The following IQGAP2 variants were observed in gnomAD, a reference collection of about 807,000 sequenced individuals.
The protein encoded by IQGAP2 is ras GTPase-activating-like protein IQGAP2.
A neutral mutation model predicts 201.3 loss-of-function variants in IQGAP2; 173 were observed. That is an observed-to-expected ratio of 0.86 (90% CI 0.76 to 0.98). The LOEUF is 0.98. IQGAP2 is among the 50% of genes least tolerant of loss of function. The probability of loss-of-function intolerance (pLI) is 0.00; values close to 1 mark genes in which losing one functional copy is unlikely to be tolerated. For missense variants in IQGAP2, 1,687 were observed against 1,864.8 expected, an observed-to-expected ratio of 0.90 and a Z score of 1.76; for synonymous variants, 675 against 673.9, an observed-to-expected ratio of 1.00 and a Z score of -0.03.
At chr5:76,503,025 C>T (rs1205003228) in intron 2 of IQGAP2, among the ~76,000 whole-genome samples, 2 of 151,976 alleles carry the variant, frequency 1.3e-5, no homozygotes, top group Non-Finnish European at 2.9e-5. Flanking sequence ...TGATTACAGG[C>T]ATGAGACACC....
At chr5:76,492,934 A>G (rs980991786) in intron 2 of IQGAP2, among the ~76,000 whole-genome samples, 1 of 152,188 alleles carries the variant, frequency 6.6e-6, no homozygotes, top group African/African-American at 2.4e-5. Flanking sequence ...ATAGGAGGTG[A>G]TAAGGATGCT....
Position 76,403,966 on chromosome 5 carries a change from G to C in IQGAP2, c.46+375G>C, listed in dbSNP as rs1035371585. Among the ~76,000 whole-genome samples the C allele has an allele frequency of 3.3e-5, 5 of 152,208 alleles. No homozygotes were observed. Among genetic ancestry groups the C allele is most frequent in the African/African-American group, 1.2e-4 (5 of 41,456 alleles). ...GGCCAGGGGGTGGCGTAAGGCACCG[G>C]ATTCTTCCAACCCAGAAGGGGAGGA... is the stretch of plus-strand genomic sequence containing the variant. On this transcript the variant is annotated intron_variant, in intron 1 of 35. Transcript: ENST00000274364. The surrounding 1 kb of genome is among the most constrained non-coding windows in gnomAD (Gnocchi z 4.8).
In IQGAP2 at chr5:76,562,476, C is replaced by T; in HGVS notation, c.227C>T (p.Ala76Val). The change falls in exon 3 of 36, where the codon GCA (alanine) becomes GTA (valine). Residue 76 changes from alanine (A) to valine (V), a missense_variant. Transcript: ENST00000274364. ...EEGLRNGVYL[A>V]KLAKFFAPKM... ...GGGCTCCGGAATGGAGTTTACCTTGCAAAGTTAGCCAAGTTCTTTGCCCCG... is the reference window on the plus strand; with the variant it reads ...GGGCTCCGGAATGGAGTTTACCTTGTAAAGTTAGCCAAGTTCTTTGCCCCG... 6.2e-7 allele frequency: 1 copy of T among 1,613,848 alleles called. No homozygotes were observed. The highest frequency in any genetic ancestry group is 1.1e-5 in the South Asian group (1 of 91,062).
At chr5:76,559,348 G>C (rs1055095286) in intron 2 of IQGAP2, among the ~76,000 whole-genome samples, 1 of 152,122 alleles carries the variant, frequency 6.6e-6, no homozygotes, top group African/African-American at 2.4e-5. Context: ...CAGAGGAGTC[G>C]GTCTCTGAGG....
At chr5:76,697,147 C>G (rs1218562357) in intron 32 of IQGAP2, among the ~76,000 whole-genome samples, 1 of 152,156 alleles carries the variant, frequency 6.6e-6, no homozygotes, top group Non-Finnish European at 1.5e-5. Context: ...ACTTAATGTT[C>G]TAGGAATTCT....
intron 14 of IQGAP2, among the ~76,000 whole-genome samples, chr5:76,628,988 T>C (rs1750476033): frequency 1.3e-5 from 2 of 152,246 alleles, no homozygotes; most frequent in African/African-American, 4.8e-5. Context: ...ATCAAACCAA[T>C]TTAGAAGGTT....
intron 28 of IQGAP2, among the ~76,000 whole-genome samples, chr5:76,678,288 C>G (rs1349470243): frequency 6.6e-6 from 1 of 152,140 alleles, no homozygotes; most frequent in Non-Finnish European, 1.5e-5. Context: ...GTTATGACAT[C>G]TACATCTGGT....
chr5:76,426,101 G>T (rs1020268067), intron 1 of IQGAP2, among the ~76,000 whole-genome samples: 1 of 152,066 alleles, frequency 6.6e-6, no homozygotes, highest in African/African-American at 2.4e-5. Context: ...GCAGAATTGC[G>T]GTCAGCTGGC....
chr5:76,468,644 T>C (rs1754924172), intron 2 of IQGAP2, among the ~76,000 whole-genome samples: 1 of 152,214 alleles, frequency 6.6e-6, no homozygotes, highest in Non-Finnish European at 1.5e-5. Context: ...GTCAGATAAA[T>C]CTTTTCAAAA....
chr5:76,659,383 C>T (rs574434622), intron 21 of IQGAP2, among the ~76,000 whole-genome samples: 2 of 152,188 alleles, frequency 1.3e-5, no homozygotes, highest in African/African-American at 4.8e-5. Context: ...GATACAGTTA[C>T]CAGAGGTGTA....
chr5:76,570,802 C>T, intron 4 of IQGAP2, 145 bp downstream of exon 4: 1 of 631,970 alleles, frequency 1.6e-6, no homozygotes, highest in South Asian at 2.0e-5. Flanking sequence ...AAAGACCTAT[C>T]CAAAGTAACA....
chr5:76,427,810 C>T (rs1752096264), intron 1 of IQGAP2, among the ~76,000 whole-genome samples: 1 of 152,212 alleles, frequency 6.6e-6, no homozygotes, highest in Non-Finnish European at 1.5e-5. Flanking sequence ...AAAGTTGGCA[C>T]ATATGTCCAG....
intron 13 of IQGAP2, among the ~76,000 whole-genome samples, chr5:76,627,080 A>G (rs1426151324): frequency 6.6e-6 from 1 of 152,024 alleles, no homozygotes; most frequent in African/African-American, 2.4e-5. Flanking sequence ...GCACTGAGCT[A>G]TCTATTTTGA....
chr5:76,583,439 A>G (rs572939628), intron 5 of IQGAP2, among the ~76,000 whole-genome samples: 97 of 152,216 alleles, frequency 6.4e-4, no homozygotes, highest in African/African-American at 2.2e-3. Context: ...CTCAACATCA[A>G]TGATTTAAAA....
chr5:76,703,165 G>GC (rs70982629), intron 35 of IQGAP2, among the ~76,000 whole-genome samples: 1 of 112,080 alleles, frequency 8.9e-6, no homozygotes, highest in Non-Finnish European at 1.9e-5. Context: ...GGGGGTGGGG[G>GC]GGGGCATTGA....
chr5:76,683,659 A>G (rs1041999810), intron 29 of IQGAP2, 117 bp from the exon 30 acceptor site: 1 of 911,654 alleles, frequency 1.1e-6, no homozygotes, highest in Non-Finnish European at 1.6e-6. Flanking sequence ...TGTAAAGACC[A>G]TGATCTCCCA....
intron 2 of IQGAP2, among the ~76,000 whole-genome samples, chr5:76,560,952 CA>C (rs1298313676): frequency 6.6e-6 from 1 of 152,152 alleles, no homozygotes. Flanking sequence ...AAGAGATTAA[CA>C]ACAGTAACTA....
chr5:76,653,202 A>G (rs930402414), intron 18 of IQGAP2, among the ~76,000 whole-genome samples: 2 of 152,224 alleles, frequency 1.3e-5, no homozygotes, highest in African/African-American at 4.8e-5. Flanking sequence ...ATGCTCAGAC[A>G]TAACAGAACA....
intron 2 of IQGAP2, among the ~76,000 whole-genome samples, chr5:76,556,012 C>T (rs1486862166): frequency 1.3e-5 from 2 of 152,076 alleles, no homozygotes; most frequent in Non-Finnish European, 1.5e-5. Context: ...GGTTTGTTGT[C>T]GCCTGCCAGG....
Sources: allele counts gnomAD v4.1 joint callset (sites outside exome capture counted in the v4.1 genomes callset), GRCh38; gene constraint gnomAD v4.1.1; non-coding constraint Gnocchi (gnomAD v3.1); transcripts MANE v1.5; gene names NCBI Gene and HGNC (gene_info 2026-07-23, HGNC 2026-07-21).